The following LPXN variants were observed in gnomAD, a reference collection of about 807,000 sequenced individuals.
LPXN encodes leupaxin.
Under a neutral mutation model 45.6 loss-of-function variants are expected in LPXN, and 28 were observed. That is an observed-to-expected ratio of 0.61 (90% CI 0.45 to 0.84). The LOEUF is 0.84. LPXN is among the 40% of genes least tolerant of loss of function. The probability of loss-of-function intolerance (pLI) is 0.00; values close to 1 mark genes in which losing one functional copy is unlikely to be tolerated. For missense variants in LPXN, 459 were observed against 475.0 expected, an observed-to-expected ratio of 0.97 and a Z score of 0.31; for synonymous variants, 166 against 169.9, an observed-to-expected ratio of 0.98 and a Z score of 0.18.
chr11:58,578,411 TG>T (rs3834911), upstream of LPXN, among the ~76,000 whole-genome samples: 2,333 of 152,334 alleles, frequency 0.015, 62 homozygotes, highest in East Asian at 0.11. Context: ...AGAATGCCCT[TG>T]GTTAAGTTAA....
chr11:58,530,426 C>T (rs1015168803), intron 7 of LPXN, among the ~76,000 whole-genome samples: 5 of 152,208 alleles, frequency 3.3e-5, no homozygotes, highest in African/African-American at 1.2e-4. Flanking sequence ...GTAAACAAAG[C>T]CACTCAGAAG....
At chr11:58,556,923 A>T (rs1854221747) in intron 3 of LPXN, among the ~76,000 whole-genome samples, 1 of 152,192 alleles carries the variant, frequency 6.6e-6, no homozygotes, top group Non-Finnish European at 1.5e-5. Context: ...GAAGAAATAA[A>T]AATGGCCAAA....
At position 58,527,733 on chromosome 11, in the gene LPXN, A is replaced by G. The variant is rs1354655321; in HGVS notation, c.892-10T>C. ...AACTGGTGAAGCAGTCCTGGGGTAG[A>G]GAGAAGAGAGAGAAAAAGAATGCAA... On this transcript the variant is annotated splice_polypyrimidine_tract_variant and intron_variant, in intron 8 of 8. Coordinates refer to ENST00000395074, the MANE Select transcript of LPXN (RefSeq NM_004811.3). The G allele has an allele frequency of 1.2e-6, 2 of 1,607,102 alleles. No individual in the cohort carries two copies. The highest frequency in any genetic ancestry group is 1.3e-5 in the African/African-American group (1 of 74,666).
At chr11:58,578,609 C>A (rs1341331958), upstream of LPXN, among the ~76,000 whole-genome samples, 1 of 152,172 alleles carries the variant, frequency 6.6e-6, no homozygotes, top group Non-Finnish European at 1.5e-5. Context: ...GACAGAAAGG[C>A]CAAAGACAGG....
intron 3 of LPXN, among the ~76,000 whole-genome samples, chr11:58,555,697 A>C (rs1036935417): frequency 6.6e-6 from 1 of 152,034 alleles, no homozygotes; most frequent in Non-Finnish European, 1.5e-5. Flanking sequence ...TGGGATAAAA[A>C]AATTAAACTG....
intron 7 of LPXN, among the ~76,000 whole-genome samples, chr11:58,541,091 A>G (rs1479157545): frequency 3.3e-5 from 5 of 152,210 alleles, no homozygotes; most frequent in Non-Finnish European, 7.3e-5. Context: ...AAACCCTAGA[A>G]GAAAACCTAG....
intron 7 of LPXN, among the ~76,000 whole-genome samples, chr11:58,546,602 T>A (rs1166200049): frequency 6.6e-6 from 1 of 152,134 alleles, no homozygotes; most frequent in East Asian, 1.9e-4. Context: ...TATTCAGGAG[T>A]CACTCAACAA....
chr11:58,551,195 G>A lies in LPXN; in HGVS notation c.356C>T (p.Pro119Leu). ...GGAGGCCTTGTGATCCTGCTTGTCT[G>A]GTAAGTGCTTCTTGCCAGCATCTGC... ...VRADAGKKHL[P>L]DKQDHKASLD... Residue 119 changes from proline to leucine, a missense_variant, in exon 5 of 9, where the codon CCA (proline) becomes CTA (leucine). By Grantham distance (98) the Pro-to-Leu change is moderately conservative. Transcript: ENST00000395074. 6.2e-7 allele frequency: 1 copy of A among 1,610,894 alleles called. No individual in the cohort carries two copies. Among genetic ancestry groups the A allele is most frequent in the Non-Finnish European group, 8.5e-7 (1 of 1,178,620 alleles).
chr11:58,532,693 C>T (rs1853429114), intron 7 of LPXN, among the ~76,000 whole-genome samples: 1 of 152,208 alleles, frequency 6.6e-6, no homozygotes, highest in South Asian at 2.1e-4. Context: ...ACAGACCAAA[C>T]AGCTCTCTGT....
chr11:58,577,658 C>T (rs1323015099), upstream of LPXN, among the ~76,000 whole-genome samples: 1 of 152,032 alleles, frequency 6.6e-6, no homozygotes, highest in Non-Finnish European at 1.5e-5. Flanking sequence ...CATACGCTAG[C>T]GTGCAGAAAA....
At chr11:58,571,398 C>T (rs1854694488) in intron 1 of LPXN, among the ~76,000 whole-genome samples, 1 of 151,600 alleles carries the variant, frequency 6.6e-6, no homozygotes, top group African/African-American at 2.4e-5. Context: ...ATGCTTTTTT[C>T]TATCAGAAAA....
chr11:58,566,107 T>C (rs1405029582), intron 2 of LPXN, among the ~76,000 whole-genome samples: 2 of 152,068 alleles, frequency 1.3e-5, no homozygotes, highest in African/African-American at 4.8e-5. Context: ...GTCTCTAGCA[T>C]TGGGATGTGG....
At chr11:58,558,699 G>A (rs1854286039) in intron 3 of LPXN, among the ~76,000 whole-genome samples, 1 of 151,816 alleles carries the variant, frequency 6.6e-6, no homozygotes, top group Non-Finnish European at 1.5e-5. Flanking sequence ...ATCCAAAACA[G>A]ACTATTCGAC....
At chr11:58,552,664 G>A (rs1029795653) in intron 4 of LPXN, among the ~76,000 whole-genome samples, 1 of 152,054 alleles carries the variant, frequency 6.6e-6, no homozygotes, top group Non-Finnish European at 1.5e-5. Context: ...ACATCACACT[G>A]TCACCAATCA....
chr11:58,578,168 G>A (rs924714747), upstream of LPXN: 4 of 1,322,990 alleles, frequency 3.0e-6, no homozygotes, highest in East Asian at 2.7e-5. Context: ...AGAAAAAGTA[G>A]GAAAAACCCT....
chr11:58,539,826 A>G (rs190167270), intron 7 of LPXN, among the ~76,000 whole-genome samples: 145 of 152,306 alleles, frequency 9.5e-4, no homozygotes, highest in Non-Finnish European at 1.6e-3. Flanking sequence ...CTGATGATAG[A>G]AAGTTTTTGT....
chr11:58,527,087 G>A lies in LPXN; in HGVS notation c.*367C>T, dbSNP rs189328190. 2.3e-3 allele frequency: 435 copies of A among 187,664 alleles called. 1 individual carries two copies. The highest frequency in any genetic ancestry group is 4.5e-3 in the South Asian group (40 of 8,962). The allele number at this position is 187,664 out of a possible 1,614,324, so 11.6% of individuals were successfully genotyped here. ...CAAGTATCAGGACCAAATTAGAGAA[G>A]ATATGAGTAGGGCCATCACTAGAGG... On this transcript the variant is annotated 3_prime_UTR_variant, in exon 9 of 9. Transcript: ENST00000395074.
intron 7 of LPXN, among the ~76,000 whole-genome samples, chr11:58,547,966 AC>A (rs1250091983): frequency 2.6e-5 from 4 of 152,280 alleles, no homozygotes; most frequent in African/African-American, 7.2e-5. Flanking sequence ...ATTAAAAAAA[AC>A]AAGACAATTC....
chr11:58,546,325 C>T (rs949222031), intron 7 of LPXN, among the ~76,000 whole-genome samples: 1 of 152,074 alleles, frequency 6.6e-6, no homozygotes, highest in East Asian at 1.9e-4. Flanking sequence ...GTCTAAAGAA[C>T]CATTAGAAAG....
Sources: allele counts gnomAD v4.1 joint callset (sites outside exome capture counted in the v4.1 genomes callset), GRCh38; gene constraint gnomAD v4.1.1; transcripts MANE v1.5; gene names NCBI Gene and HGNC (gene_info 2026-07-23, HGNC 2026-07-21).